Variants in CSGALNACT1 observed in about 807,000 individuals in gnomAD.
The protein encoded by CSGALNACT1 is chondroitin sulfate N-acetylgalactosaminyltransferase 1, also known as beta4GalNAcT-1.
In CSGALNACT1, 52 loss-of-function variants were observed where a neutral mutation model predicts 51.0. That is an observed-to-expected ratio of 1.02 (90% CI 0.82 to 1.29). The LOEUF is 1.29. CSGALNACT1 is among the 50% of genes most tolerant of loss of function. The probability of loss-of-function intolerance (pLI) is 0.00; values close to 1 mark genes in which losing one functional copy is unlikely to be tolerated. For synonymous variants in CSGALNACT1, 341 were observed against 254.4 expected (o/e 1.34, Z -3.24); for missense variants, 935 against 679.2 (o/e 1.38, Z -4.19).
chr8:19,679,903 T>G (rs1232351786), intron 1 of CSGALNACT1, among the ~76,000 whole-genome samples: 1 of 152,200 alleles, frequency 6.6e-6, no homozygotes, highest in African/African-American at 2.4e-5. Context: ...ACTGAATTCA[T>G]AGACCTTCTG....
intron 4 of CSGALNACT1, among the ~76,000 whole-genome samples, chr8:19,500,906 G>A (rs1450088306): frequency 1.3e-5 from 2 of 152,256 alleles, no homozygotes; most frequent in African/African-American, 4.8e-5. Context: ...GTCTGGTAAG[G>A]GCTGTATCCT....
At chr8:19,510,679 C>T (rs1026852911) in intron 3 of CSGALNACT1, among the ~76,000 whole-genome samples, 2 of 152,118 alleles carry the variant, frequency 1.3e-5, no homozygotes, top group African/African-American at 4.8e-5. Context: ...ACCGACCAAA[C>T]GTATGGGTGA....
intron 8 of CSGALNACT1, 104 bp downstream of exon 7, chr8:19,418,552 T>A: frequency 1.3e-6 from 1 of 795,280 alleles, no homozygotes; most frequent in South Asian, 1.4e-5. Context: ...ACTAAGGGAA[T>A]CATTGCACAG....
chr8:19,674,501 A>G (rs539301640), intron 1 of CSGALNACT1, among the ~76,000 whole-genome samples: 34 of 152,140 alleles, frequency 2.2e-4, no homozygotes, highest in Non-Finnish European at 4.7e-4. Context: ...GCGACTGCAG[A>G]AGCTGGGTGT....
chr8:19,699,698 G>C (rs1182276075), intron 1 of CSGALNACT1, among the ~76,000 whole-genome samples: 1 of 152,218 alleles, frequency 6.6e-6, no homozygotes, highest in Middle Eastern at 3.2e-3. Flanking sequence ...AAGAGTTCTA[G>C]AAATGGATGG....
intron 1 of CSGALNACT1, among the ~76,000 whole-genome samples, chr8:19,653,148 C>G (rs2057967459): frequency 6.6e-6 from 1 of 152,140 alleles, no homozygotes; most frequent in East Asian, 1.9e-4. Context: ...GAACCAGTAT[C>G]CACTCAGTTA....
At chr8:19,673,657 AT>A (rs2154199287) in intron 1 of CSGALNACT1, among the ~76,000 whole-genome samples, 1 of 152,328 alleles carries the variant, frequency 6.6e-6, no homozygotes, top group South Asian at 2.1e-4. Context: ...TTAGAAATGA[AT>A]TTGTCTGCTT....
intron 4 of CSGALNACT1, among the ~76,000 whole-genome samples, chr8:19,459,284 G>A (rs1221269699): frequency 2.0e-5 from 3 of 150,420 alleles, no homozygotes; most frequent in African/African-American, 4.9e-5. Context: ...TTGGGAGGCT[G>A]AGGCAGGAGA....
rs1187155058 is a variant in CSGALNACT1 at position 19,489,787 on chromosome 8, AT to A, written c.634+15413del. Reference sequence around the variant, plus strand: ...TGTTAAACATAGCTGTGTGTCTCCAATTTTAAATTAAAACCAAAAATCTCTC... The same window carrying A: ...TGTTAAACATAGCTGTGTGTCTCCAATTTAAATTAAAACCAAAAATCTCTC... On this transcript the variant is annotated intron_variant, in intron 4 of 9. Transcript: ENST00000454498. 2.6e-5 allele frequency among the ~76,000 whole-genome samples: 4 copies of A among 152,270 alleles called. No homozygotes were observed. The East Asian group carries it at 7.7e-4, about 29-fold the overall frequency.
chr8:19,512,730 T>G (rs2078697608), intron 3 of CSGALNACT1, among the ~76,000 whole-genome samples: 1 of 152,216 alleles, frequency 6.6e-6, no homozygotes, highest in African/African-American at 2.4e-5. Flanking sequence ...AACCCATCTT[T>G]GACTTGAAGC....
chr8:19,563,938 C>T lies in CSGALNACT1; in HGVS notation c.-297+27222G>A, dbSNP rs148909544. ...CCTCCCTCAGCCACGCACACTCACA[C>T]ACCACGCTGCGGCTGTTTCTGAAGC... On this transcript the variant is annotated intron_variant, in intron 3 of 9. Transcript: ENST00000454498. Among the ~76,000 whole-genome samples, 191 of 152,216 alleles carry T rather than the reference C, an allele frequency of 1.3e-3. 2 individuals are homozygous for T. The highest frequency in any genetic ancestry group is 4.0e-3 in the African/African-American group (167 of 41,526).
chr8:19,491,765 T>C (rs368800518), intron 4 of CSGALNACT1, among the ~76,000 whole-genome samples: 1 of 152,250 alleles, frequency 6.6e-6, no homozygotes, highest in African/African-American at 2.4e-5. Flanking sequence ...TAGCATTTCA[T>C]GTGTGTTTCG....
At chr8:19,411,427 A>C (rs2055707186) in intron 8 of CSGALNACT1, among the ~76,000 whole-genome samples, 1 of 152,186 alleles carries the variant, frequency 6.6e-6, no homozygotes, top group Non-Finnish European at 1.5e-5. Flanking sequence ...CACAGCAGGT[A>C]CTCAGTAAAT....
intron 1 of CSGALNACT1, among the ~76,000 whole-genome samples, chr8:19,664,176 G>A (rs2058993840): frequency 6.6e-6 from 1 of 152,152 alleles, no homozygotes; most frequent in African/African-American, 2.4e-5. Context: ...CACATTTTAT[G>A]TTGAACGTGT....
intron 1 of CSGALNACT1, among the ~76,000 whole-genome samples, chr8:19,709,543 G>A (rs2062375837): frequency 6.6e-6 from 1 of 152,212 alleles, no homozygotes; most frequent in Admixed American, 6.5e-5. Flanking sequence ...GAAATGAACT[G>A]AGAGAATGAA....
At chr8:19,590,640 C>CTTTTTTTTTT (rs34859554) in intron 3 of CSGALNACT1, among the ~76,000 whole-genome samples, 1 of 68,970 alleles carries the variant, frequency 1.4e-5, no homozygotes, top group African/African-American at 5.5e-5. Flanking sequence ...GACCTAACTA[C>CTTTTTTTTTT]TTTTTTTTTT....
upstream of CSGALNACT1, among the ~76,000 whole-genome samples, chr8:19,607,351 G>T (rs190106007): frequency 1.3e-5 from 2 of 152,066 alleles, no homozygotes; most frequent in African/African-American, 4.8e-5. Flanking sequence ...GGCTGGAGAG[G>T]ATCCGCATTA....
At chr8:19,640,574 A>G (rs1283854769) in intron 1 of CSGALNACT1, among the ~76,000 whole-genome samples, 4 of 152,228 alleles carry the variant, frequency 2.6e-5, no homozygotes, top group East Asian at 3.8e-4. Flanking sequence ...TCTCCACTAC[A>G]TAAGAAAATA....
In CSGALNACT1 at chr8:19,500,513, C is replaced by T. The variant is rs576617332; in HGVS notation, c.634+4688G>A. ...TAAGGACCCATTTCCTGTCCGCTAA[C>T]ATCCCCAGCATATTGCTCACCAAAC... On this transcript the variant is annotated intron_variant, in intron 4 of 9. Coordinates refer to ENST00000454498, the Ensembl canonical transcript of CSGALNACT1. Among the ~76,000 whole-genome samples, 44 of 152,326 alleles carry T rather than the reference C, an allele frequency of 2.9e-4. No individual in the cohort carries two copies. The South Asian group carries it at 8.9e-3, about 31-fold the overall frequency.
Sources: allele counts gnomAD v4.1 joint callset (sites outside exome capture counted in the v4.1 genomes callset), GRCh38; gene constraint gnomAD v4.1.1; transcripts MANE v1.5; gene names NCBI Gene and HGNC (gene_info 2026-07-23, HGNC 2026-07-21).